The following DLC1 variants were observed in gnomAD, a reference collection of about 807,000 sequenced individuals.
The protein encoded by DLC1 is rho GTPase-activating protein 7.
Under a neutral mutation model 140.3 loss-of-function variants are expected in DLC1, and 54 were observed. The ratio of observed to expected loss-of-function variants is 0.38; its 90% CI spans 0.31 to 0.48. The LOEUF is 0.48. Among genes scored for constraint, DLC1 ranks in the 20% least tolerant of loss-of-function variants. The pLI is 0.96. For missense variants in DLC1, 2,536 were observed against 1,907.0 expected, an observed-to-expected ratio of 1.33 and a Z score of -6.14; for synonymous variants, 986 against 728.1, an observed-to-expected ratio of 1.35 and a Z score of -5.70.
intron 4 of DLC1, among the ~76,000 whole-genome samples, chr8:13,383,967 C>T (rs933344474): frequency 5.3e-5 from 8 of 152,156 alleles, no homozygotes; most frequent in Admixed American, 1.3e-4. Context: ...AGATTAGCTG[C>T]ATAACAACCC....
At chr8:13,403,916 C>T (rs1452328269) in intron 2 of DLC1, among the ~76,000 whole-genome samples, 1 of 147,732 alleles carries the variant, frequency 6.8e-6, no homozygotes, top group Non-Finnish European at 1.5e-5. Flanking sequence ...GTCTCGGCTT[C>T]CCAAAGTGCT....
chr8:13,603,088 A>G (rs1024398583), intron 1 of DLC1, among the ~76,000 whole-genome samples: 2 of 151,922 alleles, frequency 1.3e-5, no homozygotes, highest in Non-Finnish European at 2.9e-5. Context: ...TTGTTCACAA[A>G]CATGCTGTTT....
intron 5 of DLC1, among the ~76,000 whole-genome samples, chr8:13,117,478 C>T (rs971150535): frequency 6.6e-6 from 1 of 151,742 alleles, no homozygotes; most frequent in Non-Finnish European, 1.5e-5. Context: ...ACTCTGTAAC[C>T]GCTAAAAAAA....
chr8:13,132,215 GTGTGT>G (rs912853657), intron 5 of DLC1, among the ~76,000 whole-genome samples: 6 of 149,882 alleles, frequency 4.0e-5, no homozygotes, highest in Non-Finnish European at 8.9e-5. Context: ...CTGTGTGTGT[GTGTGT>G]GTGTGTGTGT....
intron 1 of DLC1, among the ~76,000 whole-genome samples, chr8:13,525,174 T>C (rs564932459): frequency 1.3e-5 from 2 of 152,354 alleles, no homozygotes; most frequent in African/African-American, 4.8e-5. Context: ...CTGTCCTTTT[T>C]ACTGTTGATT....
chr8:13,590,073 A>T (rs1056782048), intron 1 of DLC1, among the ~76,000 whole-genome samples: 1 of 147,962 alleles, frequency 6.8e-6, no homozygotes, highest in Non-Finnish European at 1.5e-5. Flanking sequence ...ATATATATAT[A>T]TATACAAACA....
chr8:13,116,370 A>C, intron 5 of DLC1: 21 of 314,742 alleles, frequency 6.7e-5, no homozygotes, highest in East Asian at 1.7e-4. Context: ...GTTAAAACTC[A>C]CTGGAGCACA....
intron 5 of DLC1, among the ~76,000 whole-genome samples, chr8:13,150,815 C>T (rs1303245639): frequency 6.6e-6 from 1 of 152,268 alleles, no homozygotes; most frequent in African/African-American, 2.4e-5. Flanking sequence ...TACAAACAGA[C>T]TTCACATCCA....
At chr8:13,133,747 C>G (rs1279002419) in intron 5 of DLC1, among the ~76,000 whole-genome samples, 1 of 151,950 alleles carries the variant, frequency 6.6e-6, no homozygotes, top group African/African-American at 2.4e-5. Context: ...CTTGGTAGCT[C>G]TGCGTACTTT....
intron 1 of DLC1, chr8:13,567,490 A>C (rs1342019941): frequency 1.3e-6 from 2 of 1,552,064 alleles, no homozygotes; most frequent in Non-Finnish European, 1.7e-6. Flanking sequence ...CTTTAGTTGT[A>C]CTGTACCCGA....
chr8:13,132,969 C>T (rs777970192), intron 5 of DLC1: 1 of 1,611,330 alleles, frequency 6.2e-7, no homozygotes, highest in Non-Finnish European at 8.5e-7. Context: ...TGTCCGGCTT[C>T]TTTCTGCACA....
chr8:13,520,371 G>A (rs1802726345), intron 1 of DLC1, among the ~76,000 whole-genome samples: 1 of 152,064 alleles, frequency 6.6e-6, no homozygotes, highest in Non-Finnish European at 1.5e-5. Context: ...AGTATCACAA[G>A]ATCAGAAAAC....
intron 1 of DLC1, among the ~76,000 whole-genome samples, chr8:13,540,504 T>C (rs1451188809): frequency 3.3e-5 from 5 of 152,116 alleles, no homozygotes; most frequent in African/African-American, 1.2e-4. Context: ...CACTCAGAAT[T>C]CCAGTTCATG....
chr8:13,506,556 C>CACAG (rs1554534301), intron 1 of DLC1, among the ~76,000 whole-genome samples: 13 of 84,774 alleles, frequency 1.5e-4, no homozygotes, highest in African/African-American at 6.1e-4. Flanking sequence ...CACACACACA[C>CACAG]ACACACACAC....
chr8:13,287,691 C>T (rs1282400615), intron 5 of DLC1, among the ~76,000 whole-genome samples: 1 of 152,074 alleles, frequency 6.6e-6, no homozygotes, highest in Non-Finnish European at 1.5e-5. Flanking sequence ...GTATTTTTGC[C>T]TTTGGAATTT....
At chr8:13,097,894 A>T (rs948948265) in intron 10 of DLC1, among the ~76,000 whole-genome samples, 2 of 152,014 alleles carry the variant, frequency 1.3e-5, no homozygotes, top group African/African-American at 4.8e-5. Context: ...CCTCAAGAAT[A>T]TAGAGAGTGG....
chr8:13,126,344 G>C (rs987036283), intron 5 of DLC1, among the ~76,000 whole-genome samples: 1 of 148,424 alleles, frequency 6.7e-6, no homozygotes, highest in African/African-American at 2.5e-5. Flanking sequence ...CGCTGCTACA[G>C]GGACACACAT....
chr8:13,172,638 C>T lies in DLC1; in HGVS notation c.1349-56981G>A, dbSNP rs181719299. On this transcript the variant is annotated intron_variant, in intron 5 of 17. Coordinates refer to ENST00000276297, the MANE Select transcript of DLC1 (RefSeq NM_182643.3). Reference sequence around the variant, plus strand: ...GTGGCAGGATGGGGATTTGAACTTGCCAGATTTCAGTTAGGAGCATGTACT... The same window carrying T: ...GTGGCAGGATGGGGATTTGAACTTGTCAGATTTCAGTTAGGAGCATGTACT... 3.0e-3 allele frequency among the ~76,000 whole-genome samples: 452 copies of T among 152,258 alleles called. 1 individual carries two copies. Among genetic ancestry groups the T allele is most frequent in the Non-Finnish European group, 5.1e-3 (344 of 68,018 alleles).
chr8:13,369,512 C>G (rs575390226), intron 4 of DLC1, among the ~76,000 whole-genome samples: 1 of 152,136 alleles, frequency 6.6e-6, no homozygotes, highest in Non-Finnish European at 1.5e-5. Flanking sequence ...TTTTTGGGCA[C>G]TCCAATTCAG....
Sources: allele counts gnomAD v4.1 joint callset (sites outside exome capture counted in the v4.1 genomes callset), GRCh38; gene constraint gnomAD v4.1.1; transcripts MANE v1.5; gene names NCBI Gene and HGNC (gene_info 2026-07-23, HGNC 2026-07-21).